Variants in ZNF423 observed in about 807,000 individuals in gnomAD.
ZNF423 encodes zinc finger protein 423, also known as Ebf-associated zinc finger protein.
A neutral mutation model predicts 95.8 loss-of-function variants in ZNF423; 12 were observed. The ratio of observed to expected loss-of-function variants is 0.13; its 90% CI spans 0.08 to 0.20. The LOEUF (loss-of-function observed/expected upper bound fraction) is 0.20, where lower values mean the gene tolerates loss of function less well. Among genes scored for constraint, ZNF423 ranks in the 10% least tolerant of loss-of-function variants. The pLI, the probability that ZNF423 is intolerant of heterozygous loss-of-function variation, is 1.00. For synonymous variants in ZNF423, 749 were observed against 711.9 expected (o/e 1.05, Z -0.83); for missense variants, 1,316 against 1,737.1 (o/e 0.76, Z 4.31).
At chr16:49,856,425 A>AG (rs1253902549), upstream of ZNF423, among the ~76,000 whole-genome samples, 1 of 106,766 alleles carries the variant, frequency 9.4e-6, no homozygotes, top group African/African-American at 4.2e-5. Flanking sequence ...AGTACCCCCC[A>AG]GGAAAAAAAA....
chr16:49,590,790 G>A (rs978669071), intron 5 of ZNF423, among the ~76,000 whole-genome samples: 1 of 152,180 alleles, frequency 6.6e-6, no homozygotes, highest in Non-Finnish European at 1.5e-5. Context: ...AAACTGAAGC[G>A]ATGCCAGCAT....
At chr16:49,568,237 T>TTTAA (rs2151781924) in intron 5 of ZNF423, among the ~76,000 whole-genome samples, 1 of 152,234 alleles carries the variant, frequency 6.6e-6, no homozygotes, top group South Asian at 2.1e-4. Context: ...TAAAGGACTC[T>TTTAA]CCTGTCATGG....
At chr16:49,567,681 A>G (rs1970235565) in intron 5 of ZNF423, among the ~76,000 whole-genome samples, 1 of 152,230 alleles carries the variant, frequency 6.6e-6, no homozygotes, top group Non-Finnish European at 1.5e-5. Flanking sequence ...CGTCCAGTGC[A>G]GGTGCAAGGA....
At chr16:49,691,994 G>A (rs1250039084) in intron 3 of ZNF423, among the ~76,000 whole-genome samples, 3 of 152,040 alleles carry the variant, frequency 2.0e-5, no homozygotes, top group Non-Finnish European at 2.9e-5. Context: ...CTGTGGCGCA[G>A]GCTGGAGTGC....
chr16:49,680,597 G>A (rs967766118), intron 3 of ZNF423, among the ~76,000 whole-genome samples: 1 of 152,194 alleles, frequency 6.6e-6, no homozygotes, highest in Admixed American at 6.5e-5. Context: ...GGACACCACT[G>A]CATTCCCCAG....
chr16:49,828,859 C>G (rs1053499477), intron 1 of ZNF423, among the ~76,000 whole-genome samples: 1 of 152,302 alleles, frequency 6.6e-6, no homozygotes, highest in African/African-American at 2.4e-5. Flanking sequence ...GAGAATGAAC[C>G]GTATTTTTGG....
intron 5 of ZNF423, among the ~76,000 whole-genome samples, chr16:49,599,511 C>G (rs968849546): frequency 1.3e-5 from 2 of 152,138 alleles, no homozygotes; most frequent in African/African-American, 4.8e-5. Context: ...GTGGCAGAGC[C>G]GGATCCCAAG....
chr16:49,610,387 G>A (rs7203818), intron 5 of ZNF423, among the ~76,000 whole-genome samples: 33,831 of 152,016 alleles, frequency 0.22, 4,215 homozygotes, highest in African/African-American at 0.33. Context: ...AGTTAAGACA[G>A]TCATAAGTAG....
intron 3 of ZNF423, among the ~76,000 whole-genome samples, chr16:49,643,792 G>A (rs2151894779): frequency 1.3e-5 from 2 of 152,278 alleles, no homozygotes; most frequent in East Asian, 3.9e-4. Context: ...GCTGTCTGCT[G>A]CAGGAAGAGA....
upstream of ZNF423, among the ~76,000 whole-genome samples, chr16:49,856,980 G>C (rs2035378607): frequency 6.8e-6 from 1 of 146,278 alleles, no homozygotes; most frequent in Non-Finnish European, 1.5e-5. Flanking sequence ...GCTGCGCCCC[G>C]GCTCCTCCGC....
intron 3 of ZNF423, among the ~76,000 whole-genome samples, chr16:49,640,557 C>T (rs189401600): frequency 6.6e-6 from 1 of 152,264 alleles, no homozygotes; most frequent in African/African-American, 2.4e-5. Flanking sequence ...TCCCTCACAG[C>T]TGGGGCTGAG....
At chr16:49,661,630 G>A (rs2030236082) in intron 3 of ZNF423, among the ~76,000 whole-genome samples, 1 of 152,174 alleles carries the variant, frequency 6.6e-6, no homozygotes, top group African/African-American at 2.4e-5. Context: ...GAAACACCTC[G>A]CATCCACTCA....
In ZNF423 at chr16:49,638,719, T is replaced by C. The variant is rs1555516123; in HGVS notation, c.457A>G (p.Lys153Glu). ...AAGTAGCTCAAGCGGATGAAGGACT[T>C]GTCGCAGAACTGGCAAGGGTATGGC... ...GLPYPCQFCD[K>E]SFIRLSYLKR... Residue 153 changes from lysine to glutamate, a missense_variant, in exon 4 of 8, where the codon AAG (lysine) becomes GAG (glutamate). Coordinates refer to ENST00000563137, the MANE Select transcript of ZNF423 (RefSeq NM_001379286.1). This position sits in a 1 kb window ranked among gnomAD's most constrained non-coding sequence, Gnocchi z 5.6. 1 of 1,613,996 alleles carries C rather than the reference T, an allele frequency of 6.2e-7. No homozygotes were observed. The highest frequency in any genetic ancestry group is 1.1e-5 in the South Asian group (1 of 91,074).
chr16:49,599,512 G>A (rs151251609), intron 5 of ZNF423, among the ~76,000 whole-genome samples: 98 of 152,246 alleles, frequency 6.4e-4, no homozygotes, highest in African/African-American at 2.1e-3. Flanking sequence ...TGGCAGAGCC[G>A]GATCCCAAGA....
At chr16:49,695,450 A>G (rs1353704687) in intron 3 of ZNF423, among the ~76,000 whole-genome samples, 1 of 152,168 alleles carries the variant, frequency 6.6e-6, no homozygotes, top group Admixed American at 6.5e-5. Context: ...TGCGCCACCA[A>G]GCCCGGCTAA....
intron 5 of ZNF423, among the ~76,000 whole-genome samples, chr16:49,562,278 G>C (rs952723119): frequency 6.6e-6 from 1 of 152,292 alleles, no homozygotes; most frequent in Middle Eastern, 3.4e-3. Context: ...CATCAGACAG[G>C]TCTCAGTCCC....
chr16:49,544,203 T>A (rs1035563679), intron 5 of ZNF423, among the ~76,000 whole-genome samples: 38 of 152,068 alleles, frequency 2.5e-4, no homozygotes, highest in African/African-American at 8.9e-4. Context: ...AAAACGACAG[T>A]ATGGTCCAGA....
At chr16:49,645,914 C>G (rs1043731972) in intron 3 of ZNF423, among the ~76,000 whole-genome samples, 1 of 152,252 alleles carries the variant, frequency 6.6e-6, no homozygotes, top group Non-Finnish European at 1.5e-5. Context: ...GTTTCCCCTT[C>G]CAACATGATT....
chr16:49,549,507 A>C (rs1469831254), intron 5 of ZNF423, among the ~76,000 whole-genome samples: 1 of 152,126 alleles, frequency 6.6e-6, no homozygotes, highest in Non-Finnish European at 1.5e-5. Flanking sequence ...GGCACAGCAG[A>C]CCCATTTCCT....
Sources: allele counts gnomAD v4.1 joint callset (sites outside exome capture counted in the v4.1 genomes callset), GRCh38; gene constraint gnomAD v4.1.1; non-coding constraint Gnocchi (gnomAD v3.1); transcripts MANE v1.5; gene names NCBI Gene and HGNC (gene_info 2026-07-23, HGNC 2026-07-21).